Variants in FHIT observed in about 807,000 individuals in gnomAD.
FHIT encodes the protein fragile histidine triad diadenosine triphosphatase.
Under a neutral mutation model 17.9 loss-of-function variants are expected in FHIT, and 19 were observed. The ratio of observed to expected loss-of-function variants is 1.06; its 90% CI spans 0.74 to 1.56. The LOEUF (loss-of-function observed/expected upper bound fraction) is 1.56, where lower values mean the gene tolerates loss of function less well. Among genes scored for constraint, FHIT ranks in the 40% most tolerant of loss-of-function variants. The pLI, the probability that FHIT is intolerant of heterozygous loss-of-function variation, is 0.00. For missense variants in FHIT, 248 were observed against 189.2 expected (o/e 1.31, Z -1.82); for synonymous variants, 81 against 69.7 (o/e 1.16, Z -0.81).
chr3:59,950,927 AC>A (rs1350787736), intron 7 of FHIT, among the ~76,000 whole-genome samples: 3 of 152,208 alleles, frequency 2.0e-5, no homozygotes, highest in African/African-American at 7.2e-5. Flanking sequence ...AGGATGAACC[AC>A]ATGAAATCAC....
chr3:60,496,187 G>A (rs979220819), intron 5 of FHIT, among the ~76,000 whole-genome samples: 10 of 151,666 alleles, frequency 6.6e-5, no homozygotes, highest in African/African-American at 2.2e-4. Flanking sequence ...CCCCTGTCCC[G>A]ACCCCATCAC....
intron 8 of FHIT, among the ~76,000 whole-genome samples, chr3:59,874,391 G>A (rs1300347357): frequency 6.6e-6 from 1 of 152,204 alleles, no homozygotes; most frequent in African/African-American, 2.4e-5. Context: ...AAGCTTTACT[G>A]TTTCAGAATT....
chr3:60,250,259 C>G (rs564990985), intron 5 of FHIT, among the ~76,000 whole-genome samples: 1 of 152,230 alleles, frequency 6.6e-6, no homozygotes, highest in Admixed American at 6.5e-5. Flanking sequence ...TCTGCTTAAG[C>G]TAGAATGGGT....
At chr3:59,948,468 G>C (rs1423354207) in intron 7 of FHIT, among the ~76,000 whole-genome samples, 1 of 151,610 alleles carries the variant, frequency 6.6e-6, no homozygotes, top group Non-Finnish European at 1.5e-5. Flanking sequence ...AGTGAGCTGA[G>C]ATCATGCCAC....
At position 61,062,117 on chromosome 3, in the gene FHIT, C is replaced by G. The variant is rs185352936; in HGVS notation, c.-163-20018G>C. 1.4e-4 allele frequency among the ~76,000 whole-genome samples: 22 copies of G among 152,218 alleles called. No individual in the cohort carries two copies. The East Asian group carries it at 4.2e-3, about 29-fold the overall frequency. On this transcript the variant is annotated intron_variant, in intron 2 of 9. Coordinates refer to ENST00000492590, the MANE Select transcript of FHIT (RefSeq NM_002012.4). ...TCAAATATATCTACAGAATACGTTA[C>G]TAGACATTTCAAGGAATTTCTATGT...
intron 3 of FHIT, among the ~76,000 whole-genome samples, chr3:60,955,068 A>T (rs138481344): frequency 0.01 from 1,577 of 152,340 alleles, 16 homozygotes; most frequent in Non-Finnish European, 0.018. Flanking sequence ...TTAAAGTCAC[A>T]TCTCTGAATC....
At chr3:60,228,154 C>A (rs10510833) in intron 5 of FHIT, among the ~76,000 whole-genome samples, 28,904 of 152,056 alleles carry the variant, frequency 0.19, 2,827 homozygotes, top group East Asian at 0.26. Context: ...CACTGTACGG[C>A]AGACCTTTAT....
At chr3:60,016,143 G>T (rs1661951476) in intron 5 of FHIT, among the ~76,000 whole-genome samples, 1 of 152,138 alleles carries the variant, frequency 6.6e-6, no homozygotes, top group African/African-American at 2.4e-5. Flanking sequence ...CCTCTGTCAA[G>T]ATTTCTTAGC....
At chr3:59,883,693 G>A (rs964308978) in intron 8 of FHIT, among the ~76,000 whole-genome samples, 6 of 152,188 alleles carry the variant, frequency 3.9e-5, no homozygotes, top group African/African-American at 1.4e-4. Flanking sequence ...GCTACCGCAC[G>A]TCTCTTTCCA....
chr3:60,935,294 T>C (rs1708140076), intron 3 of FHIT, among the ~76,000 whole-genome samples: 1 of 152,190 alleles, frequency 6.6e-6, no homozygotes, highest in African/African-American at 2.4e-5. Context: ...ATTCATTCCC[T>C]AGCACTGTGA....
intron 5 of FHIT, among the ~76,000 whole-genome samples, chr3:60,277,369 A>G (rs940141853): frequency 6.6e-6 from 1 of 152,198 alleles, no homozygotes; most frequent in Non-Finnish European, 1.5e-5. Flanking sequence ...AGCAGCCTGT[A>G]AAATCAAGCT....
chr3:60,544,050 G>T (rs1049475465), intron 4 of FHIT, among the ~76,000 whole-genome samples: 2 of 151,142 alleles, frequency 1.3e-5, no homozygotes, highest in African/African-American at 4.9e-5. Context: ...GAGCCACCGC[G>T]CCCGGACTTC....
intron 2 of FHIT, among the ~76,000 whole-genome samples, chr3:61,044,199 T>C (rs904083864): frequency 2.0e-5 from 3 of 152,186 alleles, no homozygotes; most frequent in Admixed American, 6.6e-5. Context: ...TAAAGGAGGA[T>C]GTTCGAACCC....
chr3:60,753,227 A>G (rs112724716), intron 4 of FHIT, among the ~76,000 whole-genome samples: 2,611 of 152,344 alleles, frequency 0.017, 33 homozygotes, highest in South Asian at 0.065. Flanking sequence ...AATCTAGGCT[A>G]AAGGGGAAAA....
chr3:60,408,060 C>T (rs1488495705), intron 5 of FHIT, among the ~76,000 whole-genome samples: 1 of 152,116 alleles, frequency 6.6e-6, no homozygotes, highest in Non-Finnish European at 1.5e-5. Context: ...GAAAATTTTC[C>T]TCAAGTCTTT....
chr3:59,823,800 C>T (rs1700881220), intron 8 of FHIT, among the ~76,000 whole-genome samples: 1 of 152,136 alleles, frequency 6.6e-6, no homozygotes, highest in African/African-American at 2.4e-5. Context: ...GACAAGGATG[C>T]CCTCTGTCAC....
chr3:60,441,765 T>C (rs1204055770), intron 5 of FHIT, among the ~76,000 whole-genome samples: 11 of 20,530 alleles, frequency 5.4e-4, no homozygotes, highest in Admixed American at 1.3e-3. Context: ...AAAATATATA[T>C]ATATTTATAT....
At chr3:61,234,361 T>C (rs1452573238) in intron 1 of FHIT, among the ~76,000 whole-genome samples, 3 of 152,202 alleles carry the variant, frequency 2.0e-5, no homozygotes, top group African/African-American at 4.8e-5. Flanking sequence ...GGAAAACCTA[T>C]ATGTTGACCA....
intron 5 of FHIT, among the ~76,000 whole-genome samples, chr3:60,098,928 T>C (rs528710992): frequency 6.6e-6 from 1 of 152,304 alleles, no homozygotes; most frequent in East Asian, 1.9e-4. Context: ...GGGTCAGTTG[T>C]ATTCTGTTAG....
Sources: gnomAD v4.1 joint callset for allele counts (sites outside exome capture counted in the v4.1 genomes callset) on GRCh38, gnomAD v4.1.1 for gene constraint, MANE v1.5 for transcripts, NCBI Gene and HGNC (gene_info 2026-07-23, HGNC 2026-07-21) for gene names.